CCDC117: variants seen among roughly 807,000 people sequenced by gnomAD.
The protein encoded by CCDC117 is coiled-coil domain-containing protein 117.
Under a neutral mutation model 23.5 loss-of-function variants are expected in CCDC117, and 1 was observed. That is an observed-to-expected ratio of 0.04 (90% CI 0.02 to 0.20). CCDC117 has a LOEUF of 0.20. CCDC117 is among the 10% of genes least tolerant of loss of function. The pLI is 1.00. For synonymous variants in CCDC117, 132 were observed against 124.8 expected (o/e 1.06, Z -0.39); for missense variants, 383 against 348.2 (o/e 1.10, Z -0.80).
chr22:28,781,190 A>G lies in CCDC117; in HGVS notation c.464+18A>G, dbSNP rs759981991. On this transcript the variant is annotated intron_variant, in intron 3 of 4. Coordinates refer to ENST00000249064, the MANE Select transcript of CCDC117 (RefSeq NM_173510.4). ...GAGGACAGGTAAATGGGCAGTGTAT[A>G]TAGCTGGTTTTTTGCTGTTCTCTTG... 1 of 1,527,562 alleles carries G rather than the reference A, an allele frequency of 6.5e-7. No homozygotes were observed. Among genetic ancestry groups the G allele is most frequent in the Non-Finnish European group, 9.0e-7 (1 of 1,105,092 alleles). The allele number at this position is 1,527,562 out of a possible 1,614,324, so 94.6% of individuals were successfully genotyped here.
Position 28,786,605 on chromosome 22 carries a change from G to GT in CCDC117, c.*280dup, listed in dbSNP as rs2031518941. ...AAAGACAAGTATAGAAGCTGTATGT[G>GT]TAAGGGTGACTTAAATCATATGTCA... On this transcript the variant is annotated 3_prime_UTR_variant, in exon 5 of 5. Transcript: ENST00000249064. 3 of 332,394 alleles carry GT rather than the reference G, an allele frequency of 9.0e-6. No individual in the cohort carries two copies. Among genetic ancestry groups the GT allele is most frequent in the Non-Finnish European group, 1.7e-5 (3 of 179,930 alleles). 20.6% of individuals were successfully genotyped at this position (332,394 alleles called of 1,614,324 possible).
At chr22:28,782,461 C>G (rs1358673429) in intron 3 of CCDC117, among the ~76,000 whole-genome samples, 3 of 151,550 alleles carry the variant, frequency 2.0e-5, no homozygotes, top group African/African-American at 4.9e-5. Context: ...TTTTTGGAGA[C>G]AGAGTCTCGC....
intron 1 of CCDC117, 106 bp from the exon 2 acceptor site, chr22:28,773,619 G>A: frequency 1.1e-6 from 1 of 880,128 alleles, no homozygotes; most frequent in Non-Finnish European, 1.9e-6. Flanking sequence ...AGAAAGGGAC[G>A]TTTGGTATGT....
chr22:28,773,857 A>C, intron 2 of CCDC117, 79 bp downstream of exon 2: 1 of 1,103,898 alleles, frequency 9.1e-7, no homozygotes, highest in Non-Finnish European at 1.4e-6. Flanking sequence ...ACTTAAGTGA[A>C]AAGGTGAAAC....
At position 28,772,933 on chromosome 22, in the gene CCDC117, C is replaced by A. The variant is rs1375405566; in HGVS notation, c.84C>A (p.Pro28=). 7 of 1,221,632 alleles carry A rather than the reference C, an allele frequency of 5.7e-6. No individual in the cohort carries two copies. The highest frequency in any genetic ancestry group is 3.9e-5 in the South Asian group (1 of 25,698). The allele number at this position is 1,221,632 out of a possible 1,614,324, so 75.7% of individuals were successfully genotyped here. A position where few individuals can be genotyped will look rare whatever the true frequency, so the allele number is the denominator to read the frequency against. The part of the protein sequence containing the change: ...DFLQPPQPAF[P]GRAFPPGADG... ...TGCAGCCGCCGCAGCCGGCCTTCCC[C>A]GGCCGGGCCTTCCCGCCGGGGGCTG... The change falls in exon 1 of 5, where the codon CCC becomes CCA. Residue 28 remains proline (P), a synonymous_variant. Coordinates refer to ENST00000249064, the MANE Select transcript of CCDC117 (RefSeq NM_173510.4).
Position 28,772,698 on chromosome 22 carries a change from C to A in CCDC117, c.-152C>A, listed in dbSNP as rs2031015685. 4 of 490,638 alleles carry A rather than the reference C, an allele frequency of 8.2e-6. No homozygotes were observed. Among genetic ancestry groups the A allele is most frequent in the East Asian group, 3.9e-5 (1 of 25,502 alleles). 30.4% of individuals were successfully genotyped at this position (490,638 alleles called of 1,614,324 possible). On this transcript the variant is annotated 5_prime_UTR_variant, in exon 1 of 5. Transcript: ENST00000249064. ...CAACAAATCCCGGCATGCCCCCGAG[C>A]GGCCTGAGGTGGAGGGTTCTAGAAG...
intron 4 of CCDC117, among the ~76,000 whole-genome samples, chr22:28,785,223 C>CTT (rs1305280319): frequency 6.6e-6 from 1 of 151,534 alleles, no homozygotes; most frequent in African/African-American, 2.4e-5. Flanking sequence ...GGGTCTCACT[C>CTT]TGTCACCCAG....
intron 2 of CCDC117, among the ~76,000 whole-genome samples, chr22:28,774,661 T>C (rs1158763692): frequency 6.6e-6 from 1 of 152,200 alleles, no homozygotes; most frequent in African/African-American, 2.4e-5. Context: ...CCCCAGGCTG[T>C]ATTACAAAAT....
intron 2 of CCDC117, among the ~76,000 whole-genome samples, chr22:28,779,542 C>T (rs2031262671): frequency 6.6e-6 from 1 of 152,058 alleles, no homozygotes; most frequent in African/African-American, 2.4e-5. Flanking sequence ...TGAAATATGA[C>T]AGAAATGTTA....
Position 28,783,625 on chromosome 22 carries a change from A to G in CCDC117, c.582A>G (p.Thr194=), listed in dbSNP as rs747298850. ...GLKREFDEVF[T]KKMIESMSRP... Reference sequence around the variant, plus strand: ...AGAGGGAATTTGATGAAGTTTTTACAAAGAAAATGATTGAGTCTATGTAAG... The same window carrying G: ...AGAGGGAATTTGATGAAGTTTTTACGAAGAAAATGATTGAGTCTATGTAAG... The change falls in exon 4 of 5, where the codon ACA becomes ACG. Residue 194 remains threonine (T), a synonymous_variant. Transcript: ENST00000249064. 3.1e-6 allele frequency: 5 copies of G among 1,613,752 alleles called. No individual in the cohort carries two copies. Among genetic ancestry groups the G allele is most frequent in the Non-Finnish European group, 3.4e-6 (4 of 1,179,794 alleles).
rs2031074914 is a variant in CCDC117, at chr22:28,773,786, T to C, written c.239+8T>C. On this transcript the variant is annotated splice_region_variant and intron_variant, in intron 2 of 4. Transcript: ENST00000249064. The stretch of plus-strand genomic sequence containing the variant: ...GGAGGAGGAGGATGATGAGTAAGTT[T>C]CAGTGGTTGTTTATTCACTCTGTGG... 1 of 1,611,394 alleles carries C rather than the reference T, an allele frequency of 6.2e-7. No individual in the cohort carries two copies. The highest frequency in any genetic ancestry group is 8.5e-7 in the Non-Finnish European group (1 of 1,177,596).
chr22:28,784,404 AATAG>A (rs2031449381), intron 4 of CCDC117, among the ~76,000 whole-genome samples: 1 of 152,220 alleles, frequency 6.6e-6, no homozygotes, highest in Non-Finnish European at 1.5e-5. Flanking sequence ...CACTATGTAA[AATAG>A]TAAGGAAGTT....
Position 28,787,509 on chromosome 22 carries a change from T to C in CCDC117, c.*1183T>C, listed in dbSNP as rs1158699787. 1 of 152,184 alleles carries C rather than the reference T, an allele frequency of 6.6e-6. No individual in the cohort carries two copies. The highest frequency in any genetic ancestry group is 6.6e-5 in the Admixed American group (1 of 15,256). 9.4% of individuals were successfully genotyped at this position (152,184 alleles called of 1,614,324 possible). A position where few individuals can be genotyped will look rare whatever the true frequency, so the allele number is the denominator to read the frequency against. On this transcript the variant is annotated 3_prime_UTR_variant, in exon 5 of 5. Coordinates refer to ENST00000249064, the MANE Select transcript of CCDC117 (RefSeq NM_173510.4). Reference sequence around the variant, plus strand: ...GCTGAAAATATATGAGCAGGTGACATTGAGGTTTACTGAAATAGCCAATTT... The same window carrying C: ...GCTGAAAATATATGAGCAGGTGACACTGAGGTTTACTGAAATAGCCAATTT...
chr22:28,773,072 GGCGGGCGGGCAGGCTGGGCGC>G, intron 1 of CCDC117, 38 bp downstream of exon 1: 1 of 1,018,972 alleles, frequency 9.8e-7, no homozygotes. Flanking sequence ...AGGGCGGGCG[GGCGGGCGGGCAGGCTGGGCGC>G]CCCTCGCGGC....
Position 28,788,575 on chromosome 22 carries a change from T to C in CCDC117, c.*2249T>C, listed in dbSNP as rs2031583301. 1 of 152,658 alleles carries C rather than the reference T, an allele frequency of 6.6e-6. No homozygotes were observed. Among genetic ancestry groups the C allele is most frequent in the South Asian group, 2.1e-4 (1 of 4,832 alleles). 9.5% of individuals were successfully genotyped at this position (152,658 alleles called of 1,614,324 possible). The stretch of plus-strand genomic sequence containing the variant: ...TTAATTAAAATCCAAACAGAGCTTA[T>C]TTCAGTAGTCAAGTTACCTGACATG... On this transcript the variant is annotated 3_prime_UTR_variant, in exon 5 of 5. Coordinates refer to ENST00000249064, the MANE Select transcript of CCDC117 (RefSeq NM_173510.4).
intron 3 of CCDC117, among the ~76,000 whole-genome samples, chr22:28,781,894 CG>C (rs1339914440): frequency 2.0e-5 from 3 of 151,710 alleles, no homozygotes; most frequent in Non-Finnish European, 4.4e-5. Context: ...CCCCCTGTCT[CG>C]GCCTCCCAAA....
rs2031586686 is a variant in CCDC117, at chr22:28,788,667, T to C, written c.*2341T>C. ...TTGGACTTTATCTTCTTGCAAAAAT[T>C]TCTACAAAAATTGTTTTCTTCATCC... On this transcript the variant is annotated 3_prime_UTR_variant, in exon 5 of 5. Transcript: ENST00000249064. 1 of 152,682 alleles carries C rather than the reference T, an allele frequency of 6.5e-6. No individual in the cohort carries two copies. Among genetic ancestry groups the C allele is most frequent in the South Asian group, 2.1e-4 (1 of 4,838 alleles). 9.5% of individuals were successfully genotyped at this position (152,682 alleles called of 1,614,324 possible). A position where few individuals can be genotyped will look rare whatever the true frequency, so the allele number is the denominator to read the frequency against.
rs780001169 is a variant in CCDC117 at position 28,783,603 on chromosome 22, G to A, written c.560G>A (p.Arg187Lys). The A allele has an allele frequency of 1.2e-6, 2 of 1,613,828 alleles. No homozygotes were observed. Among genetic ancestry groups the A allele is most frequent in the South Asian group, 1.1e-5 (1 of 91,050 alleles). The stretch of plus-strand genomic sequence containing the variant: ...GATACCATGAAAACAGGTTTGAAGA[G>A]GGAATTTGATGAAGTTTTTACAAAG... ...LSDTMKTGLK[R>K]EFDEVFTKKM... The change falls in exon 4 of 5, where the codon AGG (arginine) becomes AAG (lysine). Residue 187 changes from arginine (R) to lysine (K), a missense_variant. Physicochemically the swap from Arg to Lys is conservative, Grantham distance 26 (BLOSUM62 2). Transcript: ENST00000249064.
intron 2 of CCDC117, among the ~76,000 whole-genome samples, chr22:28,778,501 G>A (rs985675337): frequency 6.6e-6 from 1 of 151,990 alleles, no homozygotes; most frequent in Non-Finnish European, 1.5e-5. Context: ...CCAGCTACTC[G>A]GGGGGCTGAG....
Sources: allele counts gnomAD v4.1 joint callset (sites outside exome capture counted in the v4.1 genomes callset), GRCh38; gene constraint gnomAD v4.1.1; transcripts MANE v1.5; gene names NCBI Gene and HGNC (gene_info 2026-07-23, HGNC 2026-07-21).